SNX29: variants seen among roughly 807,000 people sequenced by gnomAD.
SNX29 encodes sorting nexin 29, also known as sorting nexin-29.
A neutral mutation model predicts 102.1 loss-of-function variants in SNX29; 78 were observed. The observed-to-expected ratio is 0.76, with a 90% confidence interval of 0.64 to 0.92. The LOEUF (loss-of-function observed/expected upper bound fraction) is 0.92, where lower values mean the gene tolerates loss of function less well. Among genes scored for constraint, SNX29 ranks in the 40% least tolerant of loss-of-function variants. The pLI is 0.00. For synonymous variants in SNX29, 580 were observed against 414.5 expected (o/e 1.40, Z -4.85); for missense variants, 1,280 against 1,061.7 (o/e 1.21, Z -2.86).
intron 19 of SNX29, among the ~76,000 whole-genome samples, chr16:12,491,286 A>G (rs1260264455): frequency 1.3e-5 from 2 of 152,224 alleles, no homozygotes; most frequent in Non-Finnish European, 2.9e-5. Flanking sequence ...TTGTGTGCCC[A>G]TGAATGAGGT....
chr16:12,096,847 C>G lies in SNX29; in HGVS notation c.1402+17932C>G, dbSNP rs1051451160. 3.9e-5 allele frequency among the ~76,000 whole-genome samples: 6 copies of G among 152,208 alleles called. No homozygotes were observed. Among genetic ancestry groups the G allele is most frequent in the Non-Finnish European group, 7.3e-5 (5 of 68,028 alleles). On this transcript the variant is annotated intron_variant, in intron 11 of 20. Transcript: ENST00000566228. This position sits in a 1 kb window ranked among gnomAD's most constrained non-coding sequence, Gnocchi z 4.2. Reference sequence around the variant, plus strand: ...GGTCACTCATATAGACCCTGGATTCCTTGCTCCCAGGAGGGGAAGGAGGAA... The same window carrying G: ...GGTCACTCATATAGACCCTGGATTCGTTGCTCCCAGGAGGGGAAGGAGGAA...
At chr16:12,241,627 A>T (rs2078107613) in intron 14 of SNX29, among the ~76,000 whole-genome samples, 1 of 151,974 alleles carries the variant, frequency 6.6e-6, no homozygotes, top group African/African-American at 2.4e-5. Context: ...ACACCTGGCT[A>T]ATTTTTGTAT....
chr16:12,227,300 ACTT>A (rs1423644198), intron 14 of SNX29, among the ~76,000 whole-genome samples: 1 of 151,808 alleles, frequency 6.6e-6, no homozygotes, highest in Non-Finnish European at 1.5e-5. Context: ...CCTTTTCCTC[ACTT>A]CTTCTCTTGG....
chr16:12,405,744 A>C (rs749883259), intron 18 of SNX29, among the ~76,000 whole-genome samples: 23 of 152,238 alleles, frequency 1.5e-4, no homozygotes, highest in Non-Finnish European at 2.8e-4. Context: ...GAATTAAAAA[A>C]GTATGCTGGC....
chr16:12,235,408 AG>A (rs1465878304), intron 14 of SNX29, among the ~76,000 whole-genome samples: 1 of 152,142 alleles, frequency 6.6e-6, no homozygotes, highest in East Asian at 1.9e-4. Context: ...AGGAAGCGGC[AG>A]TGATCCATTT....
intron 15 of SNX29, among the ~76,000 whole-genome samples, chr16:12,294,410 C>A (rs947424945): frequency 6.6e-6 from 1 of 152,124 alleles, no homozygotes; most frequent in Admixed American, 6.5e-5. Context: ...TCTCTCGTTC[C>A]TCCCTCCGAT....
At chr16:12,357,678 T>C (rs558483947) in intron 16 of SNX29, among the ~76,000 whole-genome samples, 1 of 152,322 alleles carries the variant, frequency 6.6e-6, no homozygotes, top group African/African-American at 2.4e-5. Context: ...AGCTGTCCCC[T>C]TTAAACAGTC....
At chr16:12,126,176 C>G (rs907057049) in intron 11 of SNX29, among the ~76,000 whole-genome samples, 1 of 152,212 alleles carries the variant, frequency 6.6e-6, no homozygotes. Context: ...ATACGGCTAC[C>G]TTATCTCCAT....
intron 14 of SNX29, among the ~76,000 whole-genome samples, chr16:12,260,655 C>T (rs1031822279): frequency 2.0e-5 from 3 of 152,168 alleles, no homozygotes; most frequent in African/African-American, 4.8e-5. Context: ...GCCAGGTCCC[C>T]GGCTGGAGTG....
chr16:12,554,736 C>T (rs7192256), intron 20 of SNX29, among the ~76,000 whole-genome samples: 59,790 of 151,936 alleles, frequency 0.39, 13,043 homozygotes, highest in East Asian at 0.85. Context: ...TTTCAGTTTG[C>T]ATTTTCCTTA....
At chr16:12,494,190 C>T (rs1411296401) in intron 19 of SNX29, among the ~76,000 whole-genome samples, 1 of 152,150 alleles carries the variant, frequency 6.6e-6, no homozygotes, top group Non-Finnish European at 1.5e-5. Flanking sequence ...TCAACAACAA[C>T]AGCGAACTCT....
chr16:12,034,904 G>T (rs1475639668), intron 4 of SNX29, among the ~76,000 whole-genome samples: 11 of 152,088 alleles, frequency 7.2e-5, no homozygotes, highest in Non-Finnish European at 1.3e-4. Context: ...CCAGCTACTT[G>T]GGAGGCTGAG....
chr16:12,535,056 T>A (rs766768410), intron 20 of SNX29, among the ~76,000 whole-genome samples: 4 of 152,186 alleles, frequency 2.6e-5, no homozygotes, highest in Non-Finnish European at 5.9e-5. Flanking sequence ...TACAAAGCAC[T>A]GGGACTCCAC....
At chr16:12,429,891 A>G (rs1184408248) in intron 18 of SNX29, among the ~76,000 whole-genome samples, 1 of 152,072 alleles carries the variant, frequency 6.6e-6, no homozygotes, top group Non-Finnish European at 1.5e-5. Context: ...AATCTTGACT[A>G]TTGTTTTCTT....
chr16:12,062,606 C>A (rs2050826338), intron 9 of SNX29, among the ~76,000 whole-genome samples: 2 of 152,068 alleles, frequency 1.3e-5, no homozygotes, highest in African/African-American at 4.8e-5. Flanking sequence ...CAGTTGCTGT[C>A]CCTGCCCTCA....
At chr16:12,445,590 A>G (rs1263850594) in intron 18 of SNX29, among the ~76,000 whole-genome samples, 1 of 152,236 alleles carries the variant, frequency 6.6e-6, no homozygotes, top group East Asian at 1.9e-4. Context: ...ATGAAATAGT[A>G]AATCAAGATG....
At chr16:12,527,642 C>T (rs1420989836) in intron 20 of SNX29, among the ~76,000 whole-genome samples, 2 of 152,052 alleles carry the variant, frequency 1.3e-5, no homozygotes, top group African/African-American at 2.4e-5. Context: ...CTCAAAGGGG[C>T]GAACTGGCTG....
intron 17 of SNX29, among the ~76,000 whole-genome samples, chr16:12,402,296 TTACTC>T (rs1459708465): frequency 5.3e-5 from 8 of 152,236 alleles, no homozygotes; most frequent in Non-Finnish European, 8.8e-5. Flanking sequence ...GAAATGGTCT[TTACTC>T]TAGAGGTTGT....
chr16:12,079,297 T>C (rs7498391), intron 11 of SNX29, among the ~76,000 whole-genome samples: 6,477 of 152,342 alleles, frequency 0.043, 208 homozygotes, highest in Middle Eastern at 0.075. Context: ...ATGATTAAAC[T>C]TTGCTAATGA....
Sources: allele counts gnomAD v4.1 joint callset (sites outside exome capture counted in the v4.1 genomes callset), GRCh38; gene constraint gnomAD v4.1.1; non-coding constraint Gnocchi (gnomAD v3.1); transcripts MANE v1.5; gene names NCBI Gene and HGNC (gene_info 2026-07-23, HGNC 2026-07-21).